The following FOXK1 variants were observed in gnomAD, a reference collection of about 807,000 sequenced individuals.
The protein encoded by FOXK1 is forkhead box protein K1.
In FOXK1, 19 loss-of-function variants were observed where a neutral mutation model predicts 51.9. That is an observed-to-expected ratio of 0.37 (90% CI 0.26 to 0.54). The LOEUF (loss-of-function observed/expected upper bound fraction) is 0.54. Ranked by LOEUF, FOXK1 falls within the 20% of genes least tolerant of loss-of-function variation. FOXK1 has a pLI of 0.87. For synonymous variants in FOXK1, 537 were observed against 482.6 expected (o/e 1.11, Z -1.48); for missense variants, 870 against 1,032.7 (o/e 0.84, Z 2.16).
intron 1 of FOXK1, among the ~76,000 whole-genome samples, chr7:4,710,600 A>G (rs1224966421): frequency 3.3e-5 from 5 of 152,112 alleles, no homozygotes. Flanking sequence ...AATACATAAT[A>G]ATGATAATAA....
At chr7:4,751,873 G>T (rs1780783501) in intron 2 of FOXK1, among the ~76,000 whole-genome samples, 1 of 152,260 alleles carries the variant, frequency 6.6e-6, no homozygotes, top group South Asian at 2.1e-4. Flanking sequence ...TGGGAGCCAG[G>T]CTTCGCCAAC....
Position 4,754,585 on chromosome 7 carries a change from G to C in FOXK1, c.873G>C (p.Gln291His). 20 of 1,607,244 alleles carry C rather than the reference G, an allele frequency of 1.2e-5. No homozygotes were observed. The highest frequency in any genetic ancestry group is 1.7e-5 in the Non-Finnish European group (20 of 1,179,994). ...CAGCAAAGGCCGCGTCGGAGCAGCA[G>C]GCAGACACGTCTGGAGGAGACAGCC... The part of the protein sequence containing the change: ...EFAAKAASEQ[Q>H]ADTSGGDSPK... The change falls in exon 3 of 9, where the codon CAG (glutamine) becomes CAC (histidine). Residue 291 changes from glutamine (Q) to histidine (H), a missense_variant. Gln to His is a conservative substitution (Grantham distance 24). This residue lies in a region of FOXK1 where 399 missense variants were observed against 475.6 expected (regional missense o/e 0.84). Transcript: ENST00000328914.
At chr7:4,706,013 C>CGTGTATATAT (rs1491194851) in intron 1 of FOXK1, among the ~76,000 whole-genome samples, 1 of 91,478 alleles carries the variant, frequency 1.1e-5, no homozygotes, top group South Asian at 2.5e-4. Context: ...CGTATATATA[C>CGTGTATATAT]GTATATATAC....
chr7:4,702,731 C>T (rs1780036141), intron 1 of FOXK1, among the ~76,000 whole-genome samples: 1 of 152,138 alleles, frequency 6.6e-6, no homozygotes, highest in African/African-American at 2.4e-5. Context: ...TTGTGTTTTC[C>T]ACTTCTCTGG....
At chr7:4,713,496 T>A (rs1345579752) in intron 1 of FOXK1, among the ~76,000 whole-genome samples, 1 of 151,864 alleles carries the variant, frequency 6.6e-6, no homozygotes, top group Non-Finnish European at 1.5e-5. Context: ...GTGTTTTTTT[T>A]TTTGTTTTTT....
chr7:4,732,808 C>T (rs566458639), intron 1 of FOXK1, among the ~76,000 whole-genome samples: 8 of 152,300 alleles, frequency 5.3e-5, no homozygotes, highest in Non-Finnish European at 7.3e-5. Context: ...CTACTGCTGC[C>T]CTCCTCATCC....
In FOXK1 at chr7:4,761,611, C is replaced by G. The variant is rs1014083411; in HGVS notation, c.1921+323C>G. The stretch of plus-strand genomic sequence containing the variant: ...AGGTGTGGTGTTGCACGCTCATGGT[C>G]CCAGCTGCTTGGGAGAGTGAGGCTG... On this transcript the variant is annotated intron_variant, in intron 8 of 8. Transcript: ENST00000328914. This position sits in a 1 kb window ranked among gnomAD's most constrained non-coding sequence, Gnocchi z 6.2. Among the ~76,000 whole-genome samples, 1 of 152,028 alleles carries G rather than the reference C, an allele frequency of 6.6e-6. No individual in the cohort carries two copies. The highest frequency in any genetic ancestry group is 6.6e-5 in the Admixed American group (1 of 15,260).
chr7:4,729,034 A>T lies in FOXK1; in HGVS notation c.561-11804A>T, dbSNP rs531309064. ...GCGTAGAGACAGAAGATGAAAGTTA[A>T]CCTGAATTGCTCGTCGCAAGCAAGC... On this transcript the variant is annotated intron_variant, in intron 1 of 8. Transcript: ENST00000328914. The surrounding 1 kb of genome is among the most constrained non-coding windows in gnomAD (Gnocchi z 6.2). 6.6e-6 allele frequency among the ~76,000 whole-genome samples: 1 copy of T among 152,338 alleles called. No homozygotes were observed. The highest frequency in any genetic ancestry group is 1.9e-4 in the East Asian group (1 of 5,186).
In FOXK1 at chr7:4,734,462, T is replaced by TC. The variant is rs1244015286; in HGVS notation, c.561-6374dup. Among the ~76,000 whole-genome samples the TC allele has an allele frequency of 3.3e-5, 5 of 152,170 alleles. No homozygotes were observed. Among genetic ancestry groups the TC allele is most frequent in the Non-Finnish European group, 5.9e-5 (4 of 68,026 alleles). ...TCCACCACTCCCCAGATCGTCTGCT[T>TC]CCTCCTTGCCCCTCAAACTCCTTTG... On this transcript the variant is annotated intron_variant, in intron 1 of 8. Coordinates refer to ENST00000328914, the MANE Select transcript of FOXK1 (RefSeq NM_001037165.2). The surrounding 1 kb of genome is among the most constrained non-coding windows in gnomAD (Gnocchi z 5.2).
chr7:4,742,957 C>T (rs566047940), intron 2 of FOXK1, among the ~76,000 whole-genome samples: 1 of 152,254 alleles, frequency 6.6e-6, no homozygotes, highest in Non-Finnish European at 1.5e-5. Flanking sequence ...AGTGCTGCTG[C>T]GGAAAGGAGA....
chr7:4,688,498 G>A (rs1250424776), intron 1 of FOXK1, among the ~76,000 whole-genome samples: 6 of 151,622 alleles, frequency 4.0e-5, no homozygotes, highest in African/African-American at 1.5e-4. Flanking sequence ...AGGTTCAAGC[G>A]ATTCCCCCTG....
intron 1 of FOXK1, among the ~76,000 whole-genome samples, chr7:4,690,129 T>C (rs1779873523): frequency 6.6e-6 from 1 of 152,068 alleles, no homozygotes; most frequent in African/African-American, 2.4e-5. Context: ...GGGCATCAGG[T>C]CCGACTCCTG....
chr7:4,697,403 G>T (rs1417751902), intron 1 of FOXK1, among the ~76,000 whole-genome samples: 2 of 152,224 alleles, frequency 1.3e-5, no homozygotes, highest in East Asian at 3.9e-4. Flanking sequence ...GACCCTGCCA[G>T]CTGCCTGTGT....
rs1378083716 is a variant in FOXK1, at chr7:4,756,551, C to T, written c.1051-443C>T. On this transcript the variant is annotated intron_variant, in intron 4 of 8. Coordinates refer to ENST00000328914, the MANE Select transcript of FOXK1 (RefSeq NM_001037165.2). This position sits in a 1 kb window ranked among gnomAD's most constrained non-coding sequence, Gnocchi z 4.1. ...CTGTAATCCCAGCACTTTGGGAGGC[C>T]GAGGTGGAAGGATTGGTTAAGCCCA... Among the ~76,000 whole-genome samples the T allele has an allele frequency of 6.6e-6, 1 of 151,498 alleles. No homozygotes were observed. Among genetic ancestry groups the T allele is most frequent in the African/African-American group, 2.4e-5 (1 of 41,256 alleles).
Position 4,682,912 on chromosome 7 carries a change from C to T in FOXK1, c.560+44C>T. ...CCCGCCGCCCGCACCCGGGGCTCGC[C>T]CACGACCTCGATCTCTGAGGCCCGG... On this transcript the variant is annotated intron_variant, in intron 1 of 8. Transcript: ENST00000328914. This position sits in a 1 kb window ranked among gnomAD's most constrained non-coding sequence, Gnocchi z 7.6. The T allele has an allele frequency of 7.1e-7, 1 of 1,418,262 alleles. No homozygotes were observed. The highest frequency in any genetic ancestry group is 9.2e-7 in the Non-Finnish European group (1 of 1,082,358). 87.9% of individuals were successfully genotyped at this position (1,418,262 alleles called of 1,614,324 possible). A position where few individuals can be genotyped will look rare whatever the true frequency, so the allele number is the denominator to read the frequency against.
At position 4,703,591 on chromosome 7, in the gene FOXK1, C is replaced by A. The variant is rs1219332401; in HGVS notation, c.560+20723C>A. On this transcript the variant is annotated intron_variant, in intron 1 of 8. Transcript: ENST00000328914. This position sits in a 1 kb window ranked among gnomAD's most constrained non-coding sequence, Gnocchi z 5.6. ...ATTTTGCTCATCTTAGGGTTGGGGACAGAACATCATTAAGAATTGTTTTTA... is the reference window on the plus strand; with the variant it reads ...ATTTTGCTCATCTTAGGGTTGGGGAAAGAACATCATTAAGAATTGTTTTTA... Among the ~76,000 whole-genome samples, 1 of 152,154 alleles carries A rather than the reference C, an allele frequency of 6.6e-6. No individual in the cohort carries two copies. Among genetic ancestry groups the A allele is most frequent in the Non-Finnish European group, 1.5e-5 (1 of 68,032 alleles).
rs1779784975 is a variant in FOXK1 at position 4,683,837 on chromosome 7, C to T, written c.560+969C>T. ...TGTTGCTCCGGGAAGTGCGAGGTCC[C>T]TAGGAGTGTGGGCTGTGCTGAAGGA... On this transcript the variant is annotated intron_variant, in intron 1 of 8. Coordinates refer to ENST00000328914, the MANE Select transcript of FOXK1 (RefSeq NM_001037165.2). The surrounding 1 kb of genome is among the most constrained non-coding windows in gnomAD (Gnocchi z 4.5). Among the ~76,000 whole-genome samples, 1 of 152,176 alleles carries T rather than the reference C, an allele frequency of 6.6e-6. No homozygotes were observed. The highest frequency in any genetic ancestry group is 2.4e-5 in the African/African-American group (1 of 41,450).
chr7:4,762,669 A>C lies in FOXK1; in HGVS notation c.*205A>C. On this transcript the variant is annotated 3_prime_UTR_variant, in exon 9 of 9. Coordinates refer to ENST00000328914, the MANE Select transcript of FOXK1 (RefSeq NM_001037165.2). This position sits in a 1 kb window ranked among gnomAD's most constrained non-coding sequence, Gnocchi z 5.7. ...GACAAAAACACATAAACAAGTTCAG[A>C]CAACTGATTGTATGATTCTGGGAAT... 1 of 578,930 alleles carries C rather than the reference A, an allele frequency of 1.7e-6. No homozygotes were observed. The highest frequency in any genetic ancestry group is 3.1e-6 in the Non-Finnish European group (1 of 325,554). The allele number at this position is 578,930 out of a possible 1,614,324, so 35.9% of individuals were successfully genotyped here.
At position 4,715,315 on chromosome 7, in the gene FOXK1, G is replaced by A. The variant is rs944688748; in HGVS notation, c.561-25523G>A. ...CATGGCTTCAGTTTGCTGGCAAAGT[G>A]TGTCTCAGAGTGAAGCCGATAGGAT... On this transcript the variant is annotated intron_variant, in intron 1 of 8. Transcript: ENST00000328914. This position sits in a 1 kb window ranked among gnomAD's most constrained non-coding sequence, Gnocchi z 4.5. 2.6e-5 allele frequency among the ~76,000 whole-genome samples: 4 copies of A among 152,178 alleles called. No individual in the cohort carries two copies. In the South Asian group the frequency reaches 8.3e-4, roughly 32 times the overall value.
Sources: gnomAD v4.1 joint callset for allele counts (sites outside exome capture counted in the v4.1 genomes callset) on GRCh38, gnomAD v4.1.1 for gene constraint, gnomAD v4.1.1 regional missense constraint, Gnocchi (gnomAD v3.1) non-coding constraint, MANE v1.5 for transcripts, NCBI Gene and HGNC (gene_info 2026-07-23, HGNC 2026-07-21) for gene names.